JAK2: variants seen among roughly 807,000 people sequenced by gnomAD.
The protein encoded by JAK2 is tyrosine-protein kinase JAK2.
Under a neutral mutation model 139.3 loss-of-function variants are expected in JAK2, and 86 were observed. That is an observed-to-expected ratio of 0.62 (90% CI 0.52 to 0.74). The LOEUF is 0.74. JAK2 is among the 30% of genes least tolerant of loss of function. The pLI is 0.00. For synonymous variants in JAK2, 490 were observed against 437.7 expected, an observed-to-expected ratio of 1.12 and a Z score of -1.49; for missense variants, 1,421 against 1,360.3, an observed-to-expected ratio of 1.04 and a Z score of -0.70.
At chr9:5,003,387 A>AT (rs992712650) in intron 2 of JAK2, among the ~76,000 whole-genome samples, 2 of 151,888 alleles carry the variant, frequency 1.3e-5, no homozygotes, top group African/African-American at 2.4e-5. Context: ...GCTAGCATTT[A>AT]TTTTTTGTAG....
intron 22 of JAK2, chr9:5,096,669 T>G (rs1456166533): frequency 2.0e-5 from 3 of 152,192 alleles, no homozygotes; most frequent in Non-Finnish European, 4.4e-5. Flanking sequence ...TCCACTTATG[T>G]TCATCAATTG....
chr9:5,000,154 G>T (rs1820847376), intron 2 of JAK2, among the ~76,000 whole-genome samples: 2 of 149,198 alleles, frequency 1.3e-5, no homozygotes, highest in Admixed American at 6.7e-5. Flanking sequence ...TATTTTTTCT[G>T]TTTTTTTTTA....
chr9:5,095,842 G>A (rs10974960), intron 22 of JAK2, among the ~76,000 whole-genome samples: 60,426 of 151,928 alleles, frequency 0.4, 14,067 homozygotes, highest in African/African-American at 0.66. Flanking sequence ...AAATCTGATT[G>A]TTTACCTTAT....
chr9:4,998,205 G>A (rs1370849578), intron 2 of JAK2, among the ~76,000 whole-genome samples: 1 of 151,986 alleles, frequency 6.6e-6, no homozygotes, highest in Non-Finnish European at 1.5e-5. Context: ...TACAGGCTTG[G>A]AATATGATGG....
chr9:5,073,910 T>C (rs1297874932), intron 14 of JAK2, 125 bp downstream of exon 14: 8 of 639,532 alleles, frequency 1.3e-5, no homozygotes, highest in African/African-American at 1.8e-5. Context: ...GAGTTAAGTA[T>C]TTTTGAAACT....
intron 19 of JAK2, among the ~76,000 whole-genome samples, chr9:5,086,608 T>G (rs61328436): frequency 0.019 from 2,822 of 152,284 alleles, 43 homozygotes; most frequent in East Asian, 0.073. Flanking sequence ...AAAAAATTCC[T>G]TGGCTTCTCT....
chr9:5,097,031 G>A (rs1309533101), intron 22 of JAK2: 2 of 152,098 alleles, frequency 1.3e-5, no homozygotes, highest in Non-Finnish European at 2.9e-5. Flanking sequence ...GCCGGTGCTG[G>A]AACTGGCTGA....
intron 4 of JAK2, chr9:5,041,785 T>C (rs1816553573): frequency 8.2e-6 from 4 of 487,226 alleles, no homozygotes; most frequent in Non-Finnish European, 1.6e-5. Context: ...CAGCCTCAGC[T>C]TCGGGACAAA....
At chr9:4,993,892 A>G (rs1820408317) in intron 2 of JAK2, among the ~76,000 whole-genome samples, 2 of 152,212 alleles carry the variant, frequency 1.3e-5, no homozygotes, top group Non-Finnish European at 2.9e-5. Flanking sequence ...TTCCTCCCAC[A>G]TTCCAAAGAT....
chr9:5,046,258 C>A (rs1817001102), intron 5 of JAK2, among the ~76,000 whole-genome samples: 1 of 152,030 alleles, frequency 6.6e-6, no homozygotes, highest in African/African-American at 2.4e-5. Context: ...ATTTTTAAAT[C>A]AGGTTGTTTG....
intron 2 of JAK2, among the ~76,000 whole-genome samples, chr9:5,002,021 CT>C (rs1296200060): frequency 6.6e-6 from 1 of 151,764 alleles, no homozygotes; most frequent in African/African-American, 2.4e-5. Context: ...CGATATCCTG[CT>C]TTTTTTACAT....
intron 18 of JAK2, among the ~76,000 whole-genome samples, chr9:5,081,207 T>C (rs1819678123): frequency 6.6e-6 from 1 of 152,148 alleles, no homozygotes; most frequent in Non-Finnish European, 1.5e-5. Flanking sequence ...AAAGACCTTT[T>C]CTTTCAGTAA....
At chr9:5,067,191 C>T (rs1563971488) in intron 10 of JAK2, among the ~76,000 whole-genome samples, 2 of 152,056 alleles carry the variant, frequency 1.3e-5, no homozygotes, top group Non-Finnish European at 2.9e-5. Context: ...TTAGAGGAAA[C>T]AGAATTAGAG....
At chr9:5,080,188 T>TGTGAATTA in intron 16 of JAK2, 41 bp from the exon 17 acceptor site, 1 of 1,440,208 alleles carries the variant, frequency 6.9e-7, no homozygotes, top group Non-Finnish European at 9.5e-7. Flanking sequence ...TTGGTTTACT[T>TGTGAATTA]GTGAATTATT....
chr9:5,015,548 T>A (rs1003099192), intron 2 of JAK2, among the ~76,000 whole-genome samples: 47 of 151,504 alleles, frequency 3.1e-4, no homozygotes, highest in Non-Finnish European at 5.0e-4. Context: ...CTTTTTTTTT[T>A]TTTTGAGACA....
At chr9:5,057,031 A>G (rs2130429406) in intron 8 of JAK2, among the ~76,000 whole-genome samples, 1 of 152,318 alleles carries the variant, frequency 6.6e-6, no homozygotes, top group African/African-American at 2.4e-5. Flanking sequence ...GAATTGTGCA[A>G]CAAACTGGGA....
At chr9:5,095,360 T>A (rs1016716846) in intron 22 of JAK2, among the ~76,000 whole-genome samples, 2 of 152,012 alleles carry the variant, frequency 1.3e-5, no homozygotes, top group African/African-American at 4.8e-5. Context: ...CCCATCTTGA[T>A]TAAAAAAACA....
chr9:5,124,586 G>C (rs992310722), intron 23 of JAK2, among the ~76,000 whole-genome samples: 1 of 151,830 alleles, frequency 6.6e-6, no homozygotes, highest in Admixed American at 6.6e-5. Context: ...ACCAAAAAGA[G>C]CCCTAATAGC....
intron 2 of JAK2, among the ~76,000 whole-genome samples, chr9:5,001,646 G>A (rs1031319903): frequency 2.1e-5 from 3 of 145,876 alleles, no homozygotes; most frequent in Non-Finnish European, 4.5e-5. Flanking sequence ...TTTTTATGAT[G>A]TGTTTTTGCC....
Sources: gnomAD v4.1 joint callset for allele counts (sites outside exome capture counted in the v4.1 genomes callset) on GRCh38, gnomAD v4.1.1 for gene constraint, MANE v1.5 for transcripts, NCBI Gene and HGNC (gene_info 2026-07-23, HGNC 2026-07-21) for gene names.